STIM1: variants seen among roughly 807,000 people sequenced by gnomAD.
The protein encoded by STIM1 is stromal interaction molecule 1.
A neutral mutation model predicts 74.7 loss-of-function variants in STIM1; 25 were observed. That is an observed-to-expected ratio of 0.33 (90% confidence interval 0.24 to 0.47). The LOEUF (loss-of-function observed/expected upper bound fraction) is 0.47. STIM1 is among the 20% of genes least tolerant of loss of function. STIM1 has a pLI of 1.00. For missense variants in STIM1, 728 were observed against 920.8 expected (o/e 0.79, Z 2.71); for synonymous variants, 328 against 348.8 (o/e 0.94, Z 0.66).
intron 2 of STIM1, among the ~76,000 whole-genome samples, chr11:3,991,689 C>T (rs1287391363): frequency 6.6e-6 from 1 of 151,788 alleles, no homozygotes; most frequent in Admixed American, 6.6e-5. Context: ...TGGCTCACGC[C>T]TGTAATACCA....
At chr11:4,088,692 C>T (rs762341209) in intron 12 of STIM1, 6 of 1,535,602 alleles carry the variant, frequency 3.9e-6, no homozygotes, top group Non-Finnish European at 4.4e-6. Context: ...TCTTTTGCAC[C>T]ACGCACCAGA....
At chr11:4,044,847 G>C (rs1211328758) in intron 3 of STIM1, among the ~76,000 whole-genome samples, 2 of 152,096 alleles carry the variant, frequency 1.3e-5, no homozygotes, top group Non-Finnish European at 2.9e-5. Context: ...TCTCAGCTGG[G>C]GGCAGTTTTT....
chr11:3,923,320 A>G (rs1218722914), intron 1 of STIM1, among the ~76,000 whole-genome samples: 1 of 152,000 alleles, frequency 6.6e-6, no homozygotes, highest in Non-Finnish European at 1.5e-5. Context: ...TGAAAAGATC[A>G]TTCCTGGGCC....
At chr11:3,878,551 G>A (rs567950628) in intron 1 of STIM1, among the ~76,000 whole-genome samples, 1 of 152,198 alleles carries the variant, frequency 6.6e-6, no homozygotes, top group East Asian at 1.9e-4. Flanking sequence ...CTTGTGGAAG[G>A]TCACTCATCT....
chr11:4,043,964 G>T (rs2094170083), intron 3 of STIM1, among the ~76,000 whole-genome samples: 2 of 152,038 alleles, frequency 1.3e-5, no homozygotes, highest in Admixed American at 6.5e-5. Flanking sequence ...GCAGTGAGCT[G>T]AGATTGTACC....
At position 4,091,439 on chromosome 11, in the gene STIM1, T is replaced by C. The variant is rs1321818228; in HGVS notation, c.1792T>C (p.Ser598Pro). Residue 598 changes from serine to proline, a missense_variant, in exon 13 of 13, where the codon TCT (serine) becomes CCT (proline). Transcript: ENST00000526596. ...GCTGATCGAGGGGGTCCACCCAGGG[T>C]CTCTGGTGGAGAAACTGCCTGACAG... ...HRLIEGVHPGSLVEKLPDSPA... is the reference protein window; with the variant it reads ...HRLIEGVHPGPLVEKLPDSPA... 3 of 1,613,952 alleles carry C rather than the reference T, an allele frequency of 1.9e-6. No homozygotes were observed. The highest frequency in any genetic ancestry group is 1.3e-5 in the African/African-American group (1 of 74,882).
intron 3 of STIM1, among the ~76,000 whole-genome samples, chr11:4,036,214 C>T (rs2094101145): frequency 6.6e-6 from 1 of 152,024 alleles, no homozygotes; most frequent in African/African-American, 2.4e-5. Context: ...GCATAGTATT[C>T]CATGGTATAT....
At chr11:4,034,886 A>G (rs1231960652) in intron 3 of STIM1, among the ~76,000 whole-genome samples, 1 of 152,072 alleles carries the variant, frequency 6.6e-6, no homozygotes, top group Non-Finnish European at 1.5e-5. Context: ...GTGTTGTCAA[A>G]TTTACTGGTA....
chr11:3,956,854 C>CA (rs1465031890), intron 1 of STIM1, among the ~76,000 whole-genome samples: 4 of 97,416 alleles, frequency 4.1e-5, no homozygotes, highest in African/African-American at 1.2e-4. Context: ...AAAAAAAAGT[C>CA]AGAGAGGAGA....
chr11:3,985,998 C>A (rs1441180968), intron 2 of STIM1, among the ~76,000 whole-genome samples: 1 of 152,154 alleles, frequency 6.6e-6, no homozygotes, highest in African/African-American at 2.4e-5. Context: ...CCTTTGAAAT[C>A]TTTCTTACTT....
chr11:3,897,196 T>A (rs941878441), intron 1 of STIM1, among the ~76,000 whole-genome samples: 1 of 152,214 alleles, frequency 6.6e-6, no homozygotes, highest in Non-Finnish European at 1.5e-5. Context: ...CAAGTTACTT[T>A]GTATCTTGTG....
At chr11:4,007,612 CAGA>C (rs1013100070) in intron 2 of STIM1, among the ~76,000 whole-genome samples, 2 of 152,180 alleles carry the variant, frequency 1.3e-5, no homozygotes, top group South Asian at 2.1e-4. Flanking sequence ...TATGGGAGCA[CAGA>C]AGAAGTCACC....
At chr11:3,917,037 T>C (rs544301101) in intron 1 of STIM1, among the ~76,000 whole-genome samples, 68 of 152,332 alleles carry the variant, frequency 4.5e-4, no homozygotes, top group Non-Finnish European at 8.5e-4. Context: ...GTGCATTTGA[T>C]AGGTTTAGGG....
At chr11:4,026,673 A>T (rs371809994) in intron 3 of STIM1, among the ~76,000 whole-genome samples, 1 of 152,234 alleles carries the variant, frequency 6.6e-6, no homozygotes, top group South Asian at 2.1e-4. Context: ...AATTCAAGAA[A>T]GCCCTATACT....
chr11:3,907,110 C>T (rs992195699), intron 1 of STIM1, among the ~76,000 whole-genome samples: 3 of 152,102 alleles, frequency 2.0e-5, no homozygotes, highest in African/African-American at 7.2e-5. Flanking sequence ...AGAGGTTGGG[C>T]ACTGAAGTTT....
At chr11:4,002,449 A>C (rs1447896482) in intron 2 of STIM1, among the ~76,000 whole-genome samples, 2 of 152,176 alleles carry the variant, frequency 1.3e-5, no homozygotes, top group Admixed American at 1.3e-4. Context: ...AGAACTGCTC[A>C]ATTACATGGA....
At chr11:4,077,196 A>C (rs987421841) in intron 7 of STIM1, among the ~76,000 whole-genome samples, 1 of 151,816 alleles carries the variant, frequency 6.6e-6, no homozygotes, top group Non-Finnish European at 1.5e-5. Flanking sequence ...GACCTAAAGC[A>C]GTTGCTAAGT....
intron 2 of STIM1, among the ~76,000 whole-genome samples, chr11:3,969,258 G>C (rs1342093445): frequency 6.6e-6 from 1 of 151,944 alleles, no homozygotes; most frequent in Non-Finnish European, 1.5e-5. Flanking sequence ...GCCAAGGCAG[G>C]AGGATAGCTT....
At chr11:3,866,493 C>T (rs2090862418) in intron 1 of STIM1, among the ~76,000 whole-genome samples, 1 of 148,070 alleles carries the variant, frequency 6.8e-6, no homozygotes, top group African/African-American at 2.5e-5. Context: ...GTGGCGTAAT[C>T]TTGGCTCACT....
Sources: gnomAD v4.1 joint callset for allele counts (sites outside exome capture counted in the v4.1 genomes callset) on GRCh38, gnomAD v4.1.1 for gene constraint, MANE v1.5 for transcripts, NCBI Gene and HGNC (gene_info 2026-07-23, HGNC 2026-07-21) for gene names.